The following SIN3A variants were observed in gnomAD, a reference collection of about 807,000 sequenced individuals.
SIN3A encodes the protein SIN3 transcription regulator family member A, also known as paired amphipathic helix protein Sin3a.
In SIN3A, 14 loss-of-function variants were observed where a neutral mutation model predicts 146.1. The ratio of observed to expected loss-of-function variants is 0.10; its 90% CI spans 0.06 to 0.15. The LOEUF (loss-of-function observed/expected upper bound fraction) is 0.15. SIN3A is among the 10% of genes least tolerant of loss of function. SIN3A has a pLI of 1.00. For synonymous variants in SIN3A, 572 were observed against 572.0 expected (o/e 1.00, Z 0.00); for missense variants, 1,028 against 1,576.0 (o/e 0.65, Z 5.89).
intron 15 of SIN3A, among the ~76,000 whole-genome samples, chr15:75,391,609 C>T (rs1719823979): frequency 6.6e-6 from 1 of 152,074 alleles, no homozygotes; most frequent in African/African-American, 2.4e-5. Flanking sequence ...AGCTCAAGTA[C>T]CTAATTTATG....
At chr15:75,452,779 A>G (rs963925047), upstream of SIN3A, among the ~76,000 whole-genome samples, 1 of 152,238 alleles carries the variant, frequency 6.6e-6, no homozygotes, top group Non-Finnish European at 1.5e-5. Context: ...GGAAAACACC[A>G]AAACAGGCCA....
At chr15:75,384,912 G>A (rs1395405806) in intron 16 of SIN3A, among the ~76,000 whole-genome samples, 5 of 152,160 alleles carry the variant, frequency 3.3e-5, no homozygotes, top group African/African-American at 9.7e-5. Flanking sequence ...GGTGGCTCAC[G>A]CCTGTAATCC....
At chr15:75,398,884 G>A (rs954324058) in intron 12 of SIN3A, among the ~76,000 whole-genome samples, 3 of 152,136 alleles carry the variant, frequency 2.0e-5, no homozygotes, top group South Asian at 2.1e-4. Context: ...TAGGAGGCAA[G>A]GGGAGGGAGA....
Position 75,392,283 on chromosome 15 carries a change from T to A in SIN3A, c.2810A>T (p.Lys937Met). The A allele has an allele frequency of 6.2e-7, 1 of 1,614,212 alleles. No individual in the cohort carries two copies. The highest frequency in any genetic ancestry group is 1.7e-5 in the Admixed American group (1 of 60,022). The change falls in exon 15 of 21, where the codon AAG (lysine) becomes ATG (methionine). Residue 937 changes from lysine (K) to methionine (M), a missense_variant. By Grantham distance (95) the Lys-to-Met change is moderately conservative. Coordinates refer to ENST00000394947, the MANE Select transcript of SIN3A (RefSeq NM_001145358.2). The stretch of plus-strand genomic sequence containing the variant: ...TAGCTGAATGGCAGGGCTGTCACTC[T>A]TGTCTCGCTTTATGCCCAGCACTTC... ...EREVLGIKRD[K>M]SDSPAIQLRL...
intron 2 of SIN3A, among the ~76,000 whole-genome samples, chr15:75,428,260 G>A (rs1203465011): frequency 1.3e-5 from 2 of 152,172 alleles, no homozygotes. Context: ...AACAGGTTAA[G>A]GAGTTTGCAC....
intron 1 of SIN3A, among the ~76,000 whole-genome samples, chr15:75,440,514 GA>G (rs2074189057): frequency 3.3e-5 from 5 of 152,064 alleles, no homozygotes; most frequent in Non-Finnish European, 7.4e-5. Flanking sequence ...TTACAGGTGT[GA>G]GCCACCATGC....
At chr15:75,414,976 T>C (rs928940284) in intron 3 of SIN3A, among the ~76,000 whole-genome samples, 1 of 152,064 alleles carries the variant, frequency 6.6e-6, no homozygotes, top group African/African-American at 2.4e-5. Context: ...GAAGGAAAAG[T>C]AACAAAATGA....
At chr15:75,443,541 C>T (rs988428307) in intron 1 of SIN3A, 3 of 151,938 alleles carry the variant, frequency 2.0e-5, no homozygotes, top group African/African-American at 2.4e-5. Flanking sequence ...CATGGCGAAA[C>T]GTTCTCTCTA....
At chr15:75,450,790 G>C (rs867289965) in intron 1 of SIN3A, among the ~76,000 whole-genome samples, 13 of 152,232 alleles carry the variant, frequency 8.5e-5, no homozygotes, top group Non-Finnish European at 1.0e-4. Flanking sequence ...GGCAGATCTA[G>C]GCGCCGAGAC....
chr15:75,428,657 G>A (rs1178720114), intron 2 of SIN3A, among the ~76,000 whole-genome samples: 3 of 151,946 alleles, frequency 2.0e-5, no homozygotes, highest in Non-Finnish European at 2.9e-5. Flanking sequence ...GCACCATTAC[G>A]CCCTGCTAAT....
At chr15:75,435,815 T>C (rs2074097994) in intron 1 of SIN3A, among the ~76,000 whole-genome samples, 1 of 151,996 alleles carries the variant, frequency 6.6e-6, no homozygotes, top group South Asian at 2.1e-4. Flanking sequence ...TTTCATTGTA[T>C]GTAAAATTTG....
chr15:75,387,099 G>A (rs889930565), intron 16 of SIN3A, among the ~76,000 whole-genome samples: 1 of 152,194 alleles, frequency 6.6e-6, no homozygotes, highest in African/African-American at 2.4e-5. Flanking sequence ...GAGCCACCAT[G>A]ACCAGCCTTG....
intron 20 of SIN3A, among the ~76,000 whole-genome samples, chr15:75,375,459 T>G (rs2072837081): frequency 6.6e-6 from 1 of 152,198 alleles, no homozygotes; most frequent in South Asian, 2.1e-4. Context: ...GGACTTCTAG[T>G]CTCCACAACT....
intron 3 of SIN3A, among the ~76,000 whole-genome samples, chr15:75,416,735 T>G (rs1382719180): frequency 6.6e-6 from 1 of 152,248 alleles, no homozygotes; most frequent in Non-Finnish European, 1.5e-5. Context: ...TTCACAGACC[T>G]AACTCCCTTT....
chr15:75,432,862 G>C (rs1035650020), intron 1 of SIN3A, among the ~76,000 whole-genome samples: 2 of 151,940 alleles, frequency 1.3e-5, no homozygotes, highest in African/African-American at 4.8e-5. Context: ...GGCCAACATG[G>C]TGAAACCCAG....
chr15:75,382,875 G>C (rs1488666095), intron 17 of SIN3A, among the ~76,000 whole-genome samples: 1 of 152,142 alleles, frequency 6.6e-6, no homozygotes, highest in Non-Finnish European at 1.5e-5. Flanking sequence ...CTGAGCTCAG[G>C]AGTTCAAGAC....
intron 14 of SIN3A, among the ~76,000 whole-genome samples, chr15:75,393,326 G>A (rs2073243890): frequency 1.3e-5 from 2 of 152,136 alleles, no homozygotes; most frequent in African/African-American, 4.8e-5. Flanking sequence ...CAAAATACAG[G>A]TACCTTCTAC....
chr15:75,442,120 CAAAAAAAAAA>C (rs57418865), intron 1 of SIN3A, among the ~76,000 whole-genome samples: 21 of 29,264 alleles, frequency 7.2e-4, no homozygotes, highest in South Asian at 2.7e-3. Flanking sequence ...GACTCTGTCT[CAAAAAAAAAA>C]AAAAAAAAAA....
intron 19 of SIN3A, among the ~76,000 whole-genome samples, chr15:75,379,116 G>T (rs1303294347): frequency 6.6e-6 from 1 of 152,138 alleles, no homozygotes; most frequent in East Asian, 1.9e-4. Context: ...AGCCAGGATG[G>T]TCTCGATCTC....
Sources: allele counts gnomAD v4.1 joint callset (sites outside exome capture counted in the v4.1 genomes callset), GRCh38; gene constraint gnomAD v4.1.1; transcripts MANE v1.5; gene names NCBI Gene and HGNC (gene_info 2026-07-23, HGNC 2026-07-21).